PLXNC1: variants seen among roughly 807,000 people sequenced by gnomAD.
PLXNC1 encodes the protein plexin-C1.
PLXNC1 carries 75 observed loss-of-function variants against 178.2 expected under a neutral mutation model. That is an observed-to-expected ratio of 0.42 (90% CI 0.35 to 0.51). PLXNC1 has a LOEUF of 0.51. Among genes scored for constraint, PLXNC1 ranks in the 20% least tolerant of loss-of-function variants. The pLI is 0.02. For missense variants in PLXNC1, 1,503 were observed against 1,984.4 expected (o/e 0.76, Z 4.61); for synonymous variants, 790 against 779.9 (o/e 1.01, Z -0.22).
At chr12:94,170,143 G>A (rs1961786986) in intron 2 of PLXNC1, among the ~76,000 whole-genome samples, 2 of 152,134 alleles carry the variant, frequency 1.3e-5, no homozygotes, top group Admixed American at 6.5e-5. Flanking sequence ...ATTTTTAATC[G>A]AGTAATGGTA....
chr12:94,265,757 G>C (rs921723460), intron 21 of PLXNC1, among the ~76,000 whole-genome samples: 6 of 152,204 alleles, frequency 3.9e-5, no homozygotes, highest in African/African-American at 1.4e-4. Flanking sequence ...GATATTTTTA[G>C]AGGAACGCTG....
chr12:94,239,908 G>T (rs1964337719), intron 10 of PLXNC1, among the ~76,000 whole-genome samples: 1 of 152,054 alleles, frequency 6.6e-6, no homozygotes, highest in East Asian at 1.9e-4. Context: ...GCTTGACTAG[G>T]GCTTTTTTTC....
intron 6 of PLXNC1, among the ~76,000 whole-genome samples, chr12:94,222,426 T>G (rs1963822287): frequency 6.6e-6 from 1 of 152,200 alleles, no homozygotes; most frequent in Non-Finnish European, 1.5e-5. Flanking sequence ...TCTCCCTTTC[T>G]GCTTTGAAAC....
At chr12:94,174,305 C>T (rs916687855) in intron 2 of PLXNC1, among the ~76,000 whole-genome samples, 4 of 152,102 alleles carry the variant, frequency 2.6e-5, no homozygotes, top group African/African-American at 9.7e-5. Context: ...CCACCTCAGC[C>T]TCTTGAGTAG....
At chr12:94,177,496 A>G (rs2135954375) in intron 2 of PLXNC1, among the ~76,000 whole-genome samples, 1 of 151,018 alleles carries the variant, frequency 6.6e-6, no homozygotes, top group East Asian at 1.9e-4. Flanking sequence ...AAAGAAAGAA[A>G]GAAAAACAAA....
At chr12:94,150,128 G>T in intron 1 of PLXNC1, 95 bp downstream of exon 1, 1 of 1,052,526 alleles carries the variant, frequency 9.5e-7, no homozygotes, top group Non-Finnish European at 1.3e-6. Flanking sequence ...GCGGCGGGGC[G>T]GGGGTACAGC....
intron 14 of PLXNC1, among the ~76,000 whole-genome samples, chr12:94,250,314 T>G (rs1337044538): frequency 6.6e-6 from 1 of 152,162 alleles, no homozygotes; most frequent in Non-Finnish European, 1.5e-5. Context: ...ATGAGCTGAC[T>G]TATTCAGATG....
chr12:94,283,778 CT>C (rs1966627996), intron 23 of PLXNC1, among the ~76,000 whole-genome samples: 1 of 152,150 alleles, frequency 6.6e-6, no homozygotes, highest in South Asian at 2.1e-4. Flanking sequence ...GTGGTACCAG[CT>C]GATCCATCAA....
rs1968922242 is a variant in PLXNC1 at position 94,305,598 on chromosome 12, A to G, written c.*313A>G. On this transcript the variant is annotated 3_prime_UTR_variant, in exon 31 of 31. Transcript: ENST00000258526. ...TAACTACAGTCTCCACTTAAGCACA[A>G]TGATATAAGTGGTTTTGTTTGAAAA... 3.9e-6 allele frequency: 1 copy of G among 254,168 alleles called. No individual in the cohort carries two copies. 15.7% of individuals were successfully genotyped at this position (254,168 alleles called of 1,614,324 possible).
Position 94,187,174 on chromosome 12 carries a change from A to AAGAGAG in PLXNC1, c.1439+715_1439+720dup, listed in dbSNP as rs755091519. ...AGCCTTCGCTGCAGCTCAGGCAGGA[A>AAGAGAG]AGAGAGAGAGAGAGAGAGAAAAAAA... On this transcript the variant is annotated intron_variant, in intron 4 of 30. Coordinates refer to ENST00000258526, the MANE Select transcript of PLXNC1 (RefSeq NM_005761.3). 9.5e-3 allele frequency among the ~76,000 whole-genome samples: 1,009 copies of AAGAGAG among 105,900 alleles called. 8 individuals are homozygous for AAGAGAG. The highest frequency in any genetic ancestry group is 0.028 in the African/African-American group (938 of 33,950). 69.5% of individuals were successfully genotyped at this position (105,900 alleles called of 152,430 possible).
chr12:94,255,069 G>A (rs1964802706), intron 16 of PLXNC1, 124 bp from the exon 17 acceptor site: 1 of 932,106 alleles, frequency 1.1e-6, no homozygotes, highest in Admixed American at 2.2e-5. Context: ...AGCCAACCAA[G>A]TCATTATCTA....
intron 9 of PLXNC1, among the ~76,000 whole-genome samples, chr12:94,228,920 A>G (rs908257057): frequency 1.3e-5 from 2 of 152,222 alleles, no homozygotes; most frequent in African/African-American, 2.4e-5. Context: ...GTATATGCCC[A>G]GAAGCAGAAT....
chr12:94,242,224 A>G (rs1156601126), intron 11 of PLXNC1, among the ~76,000 whole-genome samples: 1 of 150,470 alleles, frequency 6.6e-6, no homozygotes. Flanking sequence ...AGGCCCTTAC[A>G]CCTTGGCTTG....
intron 2 of PLXNC1, among the ~76,000 whole-genome samples, chr12:94,177,101 ATG>A (rs1333582857): frequency 6.5e-5 from 9 of 138,522 alleles, no homozygotes; most frequent in Admixed American, 1.5e-4. Flanking sequence ...GTATATATAT[ATG>A]TGTGTGTGTA....
intron 14 of PLXNC1, among the ~76,000 whole-genome samples, chr12:94,249,939 G>GGGGGGGTC (rs1365837296): frequency 1.9e-5 from 2 of 105,486 alleles, no homozygotes; most frequent in Non-Finnish European, 4.0e-5. Context: ...GTGGGGGGGT[G>GGGGGGGTC]GGGGGGTGGG....
intron 21 of PLXNC1, among the ~76,000 whole-genome samples, chr12:94,266,119 CTGTGGCTTT>C (rs1424300093): frequency 1.3e-5 from 2 of 152,166 alleles, no homozygotes; most frequent in African/African-American, 4.8e-5. Context: ...GCTGAGTCTT[CTGTGGCTTT>C]GCTCTGGATG....
intron 23 of PLXNC1, 81 bp downstream of exon 23, chr12:94,282,482 C>T (rs187396030): frequency 7.8e-6 from 7 of 901,502 alleles, no homozygotes; most frequent in Non-Finnish European, 1.3e-5. Flanking sequence ...ACATCCAGGA[C>T]TCCCACCCAT....
intron 27 of PLXNC1, among the ~76,000 whole-genome samples, chr12:94,299,122 A>G (rs1968215862): frequency 6.6e-6 from 1 of 152,222 alleles, no homozygotes; most frequent in Non-Finnish European, 1.5e-5. Flanking sequence ...TTTGCATTAG[A>G]GAAAATTTTA....
chr12:94,279,145 C>CT (rs781145249), intron 21 of PLXNC1, among the ~76,000 whole-genome samples: 5 of 152,116 alleles, frequency 3.3e-5, no homozygotes, highest in South Asian at 2.1e-4. Context: ...CCTTCCAATT[C>CT]TTTTTTTTCT....
Sources: gnomAD v4.1 joint callset for allele counts (sites outside exome capture counted in the v4.1 genomes callset) on GRCh38, gnomAD v4.1.1 for gene constraint, MANE v1.5 for transcripts, NCBI Gene and HGNC (gene_info 2026-07-23, HGNC 2026-07-21) for gene names.